The following RBM7 variants were observed in gnomAD, a reference collection of about 807,000 sequenced individuals.
RBM7 encodes RNA-binding protein 7.
Under a neutral mutation model 31.0 loss-of-function variants are expected in RBM7, and 13 were observed. The ratio of observed to expected loss-of-function variants is 0.42; its 90% CI spans 0.27 to 0.67. RBM7 has a LOEUF of 0.67. Ranked by LOEUF, RBM7 falls within the 30% of genes least tolerant of loss-of-function variation. The probability of loss-of-function intolerance (pLI) is 0.24; values close to 1 mark genes in which losing one functional copy is unlikely to be tolerated. For missense variants in RBM7, 245 were observed against 326.2 expected, an observed-to-expected ratio of 0.75 and a Z score of 1.92; for synonymous variants, 106 against 111.2, an observed-to-expected ratio of 0.95 and a Z score of 0.30.
At position 114,400,703 on chromosome 11, in the gene RBM7, C is replaced by T. The variant is rs148035426; in HGVS notation, c.32C>T (p.Thr11Ile). 72 of 1,614,108 alleles carry T rather than the reference C, an allele frequency of 4.5e-5. No homozygotes were observed. Among genetic ancestry groups the T allele is most frequent in the Middle Eastern group, 1.6e-4 (1 of 6,082 alleles). The change falls in exon 1 of 5, where the codon ACT becomes ATT. Residue 11 changes from threonine (T) to isoleucine (I), a missense_variant. Transcript: ENST00000375490. ...GCGGCGGCGGCGGAAGCGGATCGCA[C>T]TCTCTTTGTGGGCAACCTTGAAACG... Reference protein sequence around the residue: MGAAAAEADRTLFVGNLETKV... With the variant: MGAAAAEADRILFVGNLETKV...
chr11:114,401,928 A>G (rs544757533), intron 2 of RBM7, 68 bp downstream of exon 2: 43 of 1,446,546 alleles, frequency 3.0e-5, no homozygotes, highest in Non-Finnish European at 3.8e-5. Flanking sequence ...TCAGTTTTAA[A>G]GAACCTCTTA....
intron 3 of RBM7, among the ~76,000 whole-genome samples, chr11:114,405,061 C>G (rs1946248960): frequency 6.6e-6 from 1 of 152,170 alleles, no homozygotes; most frequent in African/African-American, 2.4e-5. Flanking sequence ...TACCTAATTG[C>G]TCAAGCCAAG....
chr11:114,400,830 G>C lies in RBM7; in HGVS notation c.96+63G>C. 3.8e-6 allele frequency: 6 copies of C among 1,583,682 alleles called. No homozygotes were observed. The South Asian group carries it at 6.7e-5, about 18-fold the overall frequency. ...CGTCTCGCCTAGGGCCTGGCCAGCG[G>C]CCACCCCGTTTTCTTTTCGTAGCCG... On this transcript the variant is annotated intron_variant, in intron 1 of 4. Coordinates refer to ENST00000375490, the MANE Select transcript of RBM7 (RefSeq NM_001286045.2).
At chr11:114,402,462 G>C (rs1308213420) in intron 2 of RBM7, among the ~76,000 whole-genome samples, 1 of 120,114 alleles carries the variant, frequency 8.3e-6, no homozygotes. Context: ...GGAGTGCAGT[G>C]GTGCAATTTC....
rs1169112946 is a variant in RBM7 at position 114,407,695 on chromosome 11, G to T, written c.692G>T (p.Gly231Val). 6.2e-7 allele frequency: 1 copy of T among 1,614,184 alleles called. No individual in the cohort carries two copies. Residue 231 changes from glycine to valine, a missense_variant, in exon 5 of 5, where the codon GGA (glycine) becomes GTA (valine). Transcript: ENST00000375490. ...CATGGGTCTGACCATCATTACAGAG[G>T]AAAGAGAGATGATTTCTTCTATGAA... Reference protein sequence around the residue: ...TDHGSDHHYRGKRDDFFYEDR... With the variant: ...TDHGSDHHYRVKRDDFFYEDR...
intron 3 of RBM7, among the ~76,000 whole-genome samples, chr11:114,403,134 A>G (rs1270010439): frequency 2.0e-5 from 3 of 152,234 alleles, no homozygotes; most frequent in Non-Finnish European, 4.4e-5. Context: ...CTTAGAATAG[A>G]TACGTATATA....
rs1946205014 is a variant in RBM7, at chr11:114,401,741, G to A, written c.140G>A (p.Gly47Asp). The A allele has an allele frequency of 6.3e-7, 1 of 1,581,458 alleles. No homozygotes were observed. The highest frequency in any genetic ancestry group is 8.6e-7 in the Non-Finnish European group (1 of 1,168,020). The change falls in exon 2 of 5, where the codon GGT becomes GAT. Residue 47 changes from glycine to aspartate, a missense_variant. By Grantham distance (94) the Gly-to-Asp change is moderately conservative. Coordinates refer to ENST00000375490, the MANE Select transcript of RBM7 (RefSeq NM_001286045.2). Reference protein sequence around the residue: ...IKVKIPKDKDGKPKQFAFVNF... With the variant: ...IKVKIPKDKDDKPKQFAFVNF... ...GTGAAAATTCCAAAAGATAAGGATG[G>A]TAAACCAAAGCAGTTTGCGTTTGTG... is the stretch of plus-strand genomic sequence containing the variant.
In RBM7 at chr11:114,408,945, C is replaced by T. The variant is rs1326171239; in HGVS notation, c.*1138C>T. The stretch of plus-strand genomic sequence containing the variant: ...GTGTTATTTTTTTTTTTTTATGTCA[C>T]TGACTTCAGAGACATTGTACACAAA... On this transcript the variant is annotated 3_prime_UTR_variant, in exon 5 of 5. Transcript: ENST00000375490. 2 of 150,370 alleles carry T rather than the reference C, an allele frequency of 1.3e-5. No individual in the cohort carries two copies. Among genetic ancestry groups the T allele is most frequent in the Non-Finnish European group, 3.0e-5 (2 of 67,708 alleles). The allele number at this position is 150,370 out of a possible 1,614,324, so 9.3% of individuals were successfully genotyped here.
chr11:114,401,657 T>C, intron 1 of RBM7, 41 bp from the exon 2 acceptor site: 1 of 1,410,282 alleles, frequency 7.1e-7, no homozygotes, highest in Non-Finnish European at 9.4e-7. Flanking sequence ...TATTTTCCCT[T>C]AGTTGCTTTA....
chr11:114,402,953 G>A (rs1345626329), intron 3 of RBM7, 38 bp downstream of exon 3: 1 of 1,496,774 alleles, frequency 6.7e-7, no homozygotes. Context: ...CATTTATCAG[G>A]AATTCTTATA....
chr11:114,405,676 T>C, intron 3 of RBM7, 30 bp from the exon 4 acceptor site: 1 of 1,446,370 alleles, frequency 6.9e-7, no homozygotes, highest in Non-Finnish European at 9.5e-7. Context: ...ATTTATTGAA[T>C]GAATGGTTAC....
At chr11:114,402,672 T>G (rs1311439475) in intron 2 of RBM7, among the ~76,000 whole-genome samples, 156 bp from the exon 3 acceptor site, 1 of 152,142 alleles carries the variant, frequency 6.6e-6, no homozygotes. Context: ...CCCAAAGTGC[T>G]GGGATTACAG....
Position 114,407,505 on chromosome 11 carries a change from C to T in RBM7, c.502C>T (p.Gln168Ter). 1 of 1,614,120 alleles carries T rather than the reference C, an allele frequency of 6.2e-7. No individual in the cohort carries two copies. The highest frequency in any genetic ancestry group is 8.5e-7 in the Non-Finnish European group (1 of 1,179,996). Residue 168 changes from glutamine to a stop codon, truncating the protein, a stop_gained, in exon 5 of 5, where the codon CAA (glutamine) becomes TAA (stop). Coordinates refer to ENST00000375490, the MANE Select transcript of RBM7 (RefSeq NM_001286045.2). LOFTEE classifies it high-confidence loss of function. Reference protein sequence around the residue: ...GGKFGSSPLDQSGFSPSVQSH... With the variant: ...GGKFGSSPLD Reference sequence around the variant, plus strand: ...AAAATTTGGTTCTTCACCTCTGGATCAATCAGGATTTTCACCATCAGTTCA... The same window carrying T: ...AAAATTTGGTTCTTCACCTCTGGATTAATCAGGATTTTCACCATCAGTTCA...
chr11:114,403,021 C>A (rs1946225086), intron 3 of RBM7, 106 bp downstream of exon 3: 1 of 987,698 alleles, frequency 1.0e-6, no homozygotes. Context: ...CTTATCTCTT[C>A]ATTCTGCCGT....
chr11:114,404,884 A>T (rs1373464018), intron 3 of RBM7, among the ~76,000 whole-genome samples: 2 of 152,234 alleles, frequency 1.3e-5, no homozygotes, highest in African/African-American at 4.8e-5. Context: ...GACATTTAAA[A>T]ATAATTTAAA....
chr11:114,400,837 C>T, intron 1 of RBM7, 70 bp downstream of exon 1: 4 of 1,572,200 alleles, frequency 2.5e-6, no homozygotes, highest in South Asian at 1.1e-5. Flanking sequence ...GCGGCCACCC[C>T]GTTTTCTTTT....
At chr11:114,402,388 T>C (rs867566504) in intron 2 of RBM7, among the ~76,000 whole-genome samples, 379 of 20,860 alleles carry the variant, frequency 0.018, 1 homozygote, top group African/African-American at 0.15. Flanking sequence ...GATTCTTTTT[T>C]TTTTTTTTTT....
intron 2 of RBM7, 42 bp downstream of exon 2, chr11:114,401,902 T>G (rs1360035020): frequency 1.3e-6 from 2 of 1,511,122 alleles, no homozygotes; most frequent in Non-Finnish European, 1.8e-6. Context: ...TTTCCTGCTG[T>G]TTTTAAATTT....
At chr11:114,402,639 G>A (rs546898752) in intron 2 of RBM7, among the ~76,000 whole-genome samples, 189 bp from the exon 3 acceptor site, 3 of 151,806 alleles carry the variant, frequency 2.0e-5, no homozygotes, top group East Asian at 3.9e-4. Flanking sequence ...TCCTGGCCTC[G>A]AGAGATGTGC....
Sources: gnomAD v4.1 joint callset for allele counts (sites outside exome capture counted in the v4.1 genomes callset) on GRCh38, gnomAD v4.1.1 for gene constraint, MANE v1.5 for transcripts, NCBI Gene and HGNC (gene_info 2026-07-23, HGNC 2026-07-21) for gene names.